TRANK1: variants seen among roughly 807,000 people sequenced by gnomAD.
The protein encoded by TRANK1 is TPR and ankyrin repeat-containing protein 1.
Under a neutral mutation model 266.0 loss-of-function variants are expected in TRANK1, and 198 were observed. The ratio of observed to expected loss-of-function variants is 0.74; its 90% CI spans 0.66 to 0.84. TRANK1 has a LOEUF of 0.84. Among genes scored for constraint, TRANK1 ranks in the 40% least tolerant of loss-of-function variants. The pLI, the probability that TRANK1 is intolerant of heterozygous loss-of-function variation, is 0.00. For synonymous variants in TRANK1, 1,396 were observed against 1,384.1 expected, an observed-to-expected ratio of 1.01 and a Z score of -0.19; for missense variants, 3,326 against 3,634.6, an observed-to-expected ratio of 0.92 and a Z score of 2.18.
rs267599779 is a variant in TRANK1 at position 36,831,916 on chromosome 3, G to A, written c.7667C>T (p.Ser2556Leu). ...DAFSEIDYVV[S>L]GEAERTLVLC... ...CACCAGTGTCCGCTCAGCCTCACCC[G>A]AGACCACATAGTCTATTTCACTGAA... The change falls in exon 22 of 24, where the codon TCG (serine) becomes TTG (leucine). Residue 2556 changes from serine (S) to leucine (L), a missense_variant. By Grantham distance (145) the Ser-to-Leu change is moderately radical. Transcript: ENST00000645898. The surrounding 1 kb of genome is among the most constrained non-coding windows in gnomAD (Gnocchi z 5.0). 12 of 1,613,864 alleles carry A rather than the reference G, an allele frequency of 7.4e-6. No homozygotes were observed. Among genetic ancestry groups the A allele is most frequent in the Admixed American group, 1.7e-5 (1 of 59,998 alleles).
At chr3:36,917,229 G>C (rs1228643376) in intron 1 of TRANK1, among the ~76,000 whole-genome samples, 1 of 152,032 alleles carries the variant, frequency 6.6e-6, no homozygotes, top group African/African-American at 2.4e-5. Context: ...ATCTAATGGG[G>C]CAAAGTATAT....
chr3:36,938,478 A>G (rs924376712), intron 1 of TRANK1, among the ~76,000 whole-genome samples: 6 of 151,742 alleles, frequency 4.0e-5, no homozygotes, highest in Non-Finnish European at 8.8e-5. Flanking sequence ...CAGCCTCCCA[A>G]AGTGCTGGGA....
In TRANK1 at chr3:36,861,171, T is replaced by A. The variant is rs1392570404; in HGVS notation, c.1241-11A>T. The A allele has an allele frequency of 1.3e-6, 2 of 1,535,480 alleles. No individual in the cohort carries two copies. Among genetic ancestry groups the A allele is most frequent in the African/African-American group, 2.7e-5 (2 of 72,912 alleles). On this transcript the variant is annotated splice_polypyrimidine_tract_variant and intron_variant, in intron 10 of 23. Coordinates refer to ENST00000645898, the MANE Select transcript of TRANK1 (RefSeq NM_001329998.2). ...GGTCAGGAGGAATTTCTTTCAAAAATAAGAGTAAGACACATTCCAAAAATG... is the reference window on the plus strand; with the variant it reads ...GGTCAGGAGGAATTTCTTTCAAAAAAAAGAGTAAGACACATTCCAAAAATG...
At chr3:36,908,209 G>C (rs2080001542) in intron 2 of TRANK1, 114 bp downstream of exon 2, 2 of 1,139,832 alleles carry the variant, frequency 1.8e-6, no homozygotes, top group East Asian at 3.2e-5. Context: ...AATAGGAAGT[G>C]AGCAATAAAG....
Position 36,917,589 on chromosome 3 carries a change from GT to G in TRANK1, c.24-9136del, listed in dbSNP as rs199857636. ...GTTTGTTTAAGGGAGGGCAGGAGAT[GT>G]TGGAAGTTTGGTGGGAGCAGAGAAG... is the stretch of plus-strand genomic sequence containing the variant. On this transcript the variant is annotated intron_variant, in intron 1 of 23. Transcript: ENST00000645898. Among the ~76,000 whole-genome samples the G allele has an allele frequency of 7.4e-3, 1,122 of 152,310 alleles. 10 individuals carry two copies. The highest frequency in any genetic ancestry group is 0.031 in the Middle Eastern group (9 of 294).
chr3:36,922,858 T>C (rs2080235007), intron 1 of TRANK1, among the ~76,000 whole-genome samples: 2 of 152,090 alleles, frequency 1.3e-5, no homozygotes, highest in South Asian at 2.1e-4. Context: ...TCCATAGTCA[T>C]ACGTGGCTAG....
intron 3 of TRANK1, among the ~76,000 whole-genome samples, chr3:36,902,780 T>G (rs2079902410): frequency 6.6e-6 from 1 of 152,202 alleles, no homozygotes; most frequent in Non-Finnish European, 1.5e-5. Flanking sequence ...GATTATGAGT[T>G]TGGGTGTAAC....
At chr3:36,924,986 C>G (rs990849640) in intron 1 of TRANK1, among the ~76,000 whole-genome samples, 7 of 152,230 alleles carry the variant, frequency 4.6e-5, no homozygotes, top group African/African-American at 1.4e-4. Flanking sequence ...CCATAAAGGT[C>G]TGGGGTGCTA....
chr3:36,913,027 C>T (rs1323061912), intron 1 of TRANK1, among the ~76,000 whole-genome samples: 6 of 98,056 alleles, frequency 6.1e-5, no homozygotes, highest in African/African-American at 2.6e-4. Flanking sequence ...GAGTATGTCT[C>T]TTTTGTGTGT....
chr3:36,916,353 C>G (rs144522840), intron 1 of TRANK1, among the ~76,000 whole-genome samples: 3 of 152,272 alleles, frequency 2.0e-5, no homozygotes, highest in East Asian at 3.9e-4. Context: ...ATCACGAGGT[C>G]AGGAGTTCAA....
At chr3:36,872,746 T>C (rs2079328074) in intron 9 of TRANK1, among the ~76,000 whole-genome samples, 1 of 152,178 alleles carries the variant, frequency 6.6e-6, no homozygotes, top group South Asian at 2.1e-4. Flanking sequence ...CTCATCCATT[T>C]AATAGCAGTG....
chr3:36,865,415 G>A (rs998334696), intron 9 of TRANK1, among the ~76,000 whole-genome samples: 17 of 152,186 alleles, frequency 1.1e-4, no homozygotes, highest in Non-Finnish European at 5.9e-5. Context: ...ACAGCAGAAA[G>A]ATGGCTTAGC....
intron 1 of TRANK1, among the ~76,000 whole-genome samples, chr3:36,939,398 T>G (rs1236096036): frequency 6.6e-6 from 1 of 152,074 alleles, no homozygotes; most frequent in African/African-American, 2.4e-5. Flanking sequence ...TCACATGACT[T>G]TGCACAGCAG....
In TRANK1 at chr3:36,833,405, CTGAGTGGT is replaced by C; in HGVS notation, c.6170_6177del (p.Asn2057SerfsTer15). 1.2e-6 allele frequency: 2 copies of C among 1,613,868 alleles called. No homozygotes were observed. The highest frequency in any genetic ancestry group is 1.7e-6 in the Non-Finnish European group (2 of 1,179,834). On this transcript the variant is annotated frameshift_variant, in exon 22 of 24. Coordinates refer to ENST00000645898, the MANE Select transcript of TRANK1 (RefSeq NM_001329998.2). LOFTEE classifies it high-confidence loss of function. ...TCGTAGAGTGCTTCCACCACTCCAG[CTGAGTGGT>C]TGAGCGTGTCAAACTTGAAGAAGGC... is the stretch of plus-strand genomic sequence containing the variant.
chr3:36,884,696 G>C (rs778137352), intron 8 of TRANK1, among the ~76,000 whole-genome samples: 3 of 152,120 alleles, frequency 2.0e-5, no homozygotes, highest in Non-Finnish European at 4.4e-5. Context: ...ACTTTGGGAG[G>C]CCCAGGCAGG....
chr3:36,828,482 A>G, intron 23 of TRANK1, 107 bp from the exon 24 acceptor site: 1 of 815,444 alleles, frequency 1.2e-6, no homozygotes, highest in Non-Finnish European at 2.0e-6. Context: ...AGGAAGGAAG[A>G]AAGGAAGGAA....
Position 36,857,760 on chromosome 3 carries a change from C to T in TRANK1, c.1962G>A (p.Arg654=), listed in dbSNP as rs761822074. 6.2e-7 allele frequency: 1 copy of T among 1,614,036 alleles called. No individual in the cohort carries two copies. Among genetic ancestry groups the T allele is most frequent in the South Asian group, 1.1e-5 (1 of 91,090 alleles). Residue 654 remains arginine (R), a synonymous_variant, in exon 13 of 24, where the codon AGG becomes AGA. Coordinates refer to ENST00000645898, the MANE Select transcript of TRANK1 (RefSeq NM_001329998.2). The surrounding 1 kb of genome is among the most constrained non-coding windows in gnomAD (Gnocchi z 4.3). ...GGGCAGCAGAGTCCTGCCGGCTCCT[C>T]CTCCTGTTCTCCATCAGAGCTTTGT... ...AWNKALMENR[R]RSRQDSAAHL...
intron 20 of TRANK1, among the ~76,000 whole-genome samples, chr3:36,837,034 A>C (rs2078779706): frequency 6.6e-6 from 1 of 152,112 alleles, no homozygotes; most frequent in Non-Finnish European, 1.5e-5. Flanking sequence ...TCTCTTACTC[A>C]TTTACCATTT....
intron 1 of TRANK1, among the ~76,000 whole-genome samples, chr3:36,910,700 A>T (rs2080039075): frequency 6.6e-6 from 1 of 151,998 alleles, no homozygotes; most frequent in African/African-American, 2.4e-5. Flanking sequence ...AGATCACACC[A>T]CTACACTCCA....
Sources: allele counts gnomAD v4.1 joint callset (sites outside exome capture counted in the v4.1 genomes callset), GRCh38; gene constraint gnomAD v4.1.1; non-coding constraint Gnocchi (gnomAD v3.1); transcripts MANE v1.5; gene names NCBI Gene and HGNC (gene_info 2026-07-23, HGNC 2026-07-21).